PPFIA2: variants seen among roughly 807,000 people sequenced by gnomAD.
The protein encoded by PPFIA2 is liprin-alpha-2.
A neutral mutation model predicts 175.5 loss-of-function variants in PPFIA2; 46 were observed. The observed-to-expected ratio is 0.26, with a 90% CI of 0.21 to 0.34. The LOEUF (loss-of-function observed/expected upper bound fraction) is 0.34. PPFIA2 is among the 10% of genes least tolerant of loss of function. PPFIA2 has a pLI of 1.00. For synonymous variants in PPFIA2, 568 were observed against 511.4 expected, an observed-to-expected ratio of 1.11 and a Z score of -1.49; for missense variants, 1,179 against 1,506.1, an observed-to-expected ratio of 0.78 and a Z score of 3.60.
chr12:81,663,246 A>G (rs1435781398), intron 4 of PPFIA2, among the ~76,000 whole-genome samples: 1 of 152,152 alleles, frequency 6.6e-6, no homozygotes, highest in African/African-American at 2.4e-5. Context: ...AGGAAGTCAA[A>G]TTGTCCCTGT....
At chr12:81,571,898 T>C (rs2072616071) in intron 4 of PPFIA2, among the ~76,000 whole-genome samples, 2 of 152,144 alleles carry the variant, frequency 1.3e-5, no homozygotes, top group Non-Finnish European at 2.9e-5. Context: ...GTATTCCATC[T>C]ACTTCTTTCA....
chr12:81,584,467 G>A (rs1006312786), intron 4 of PPFIA2, among the ~76,000 whole-genome samples: 1 of 151,630 alleles, frequency 6.6e-6, no homozygotes, highest in African/African-American at 2.4e-5. Context: ...GAATAATAAT[G>A]TGCCAAAGAA....
chr12:81,347,754 T>C lies in PPFIA2; in HGVS notation c.2011A>G (p.Lys671Glu). ...TCAGCACGCAACTCTGTAGATTCTT[T>C]TTCTTCCTGAATTAGCCTGAAAGAT... Reference protein sequence around the residue: ...NKEIRLIQEEKESTELRAEEI... With the variant: ...NKEIRLIQEEEESTELRAEEI... The change falls in exon 18 of 33, where the codon AAA (lysine) becomes GAA (glutamate). Residue 671 changes from lysine (K) to glutamate (E), a missense_variant. By Grantham distance (56) the Lys-to-Glu change is moderately conservative. This residue lies in a region of PPFIA2 where 223 missense variants were observed against 241.6 expected (regional missense o/e 0.92). Transcript: ENST00000549396. 1 of 1,613,780 alleles carries C rather than the reference T, an allele frequency of 6.2e-7. No homozygotes were observed. Among genetic ancestry groups the C allele is most frequent in the Non-Finnish European group, 8.5e-7 (1 of 1,179,786 alleles).
chr12:81,435,610 A>C (rs900273909), intron 7 of PPFIA2, among the ~76,000 whole-genome samples: 4 of 152,142 alleles, frequency 2.6e-5, no homozygotes, highest in African/African-American at 9.7e-5. Flanking sequence ...AAGAGACTCT[A>C]TATATAATAA....
intron 3 of PPFIA2, among the ~76,000 whole-genome samples, chr12:81,720,631 C>T (rs1019612344): frequency 6.6e-6 from 1 of 151,274 alleles, no homozygotes; most frequent in Non-Finnish European, 1.5e-5. Context: ...AATTCTCTGA[C>T]CTGGGAGTAA....
chr12:81,279,221 T>C (rs2041435579), intron 27 of PPFIA2: 1 of 152,092 alleles, frequency 6.6e-6, no homozygotes, highest in Non-Finnish European at 1.5e-5. Context: ...CACCAAGAGG[T>C]GACCATCAGC....
intron 22 of PPFIA2, chr12:81,302,201 A>G: frequency 2.4e-6 from 1 of 412,226 alleles, no homozygotes; most frequent in Non-Finnish European, 4.8e-6. Context: ...ACCATGTACA[A>G]CATTTTGTAT....
rs77179939 is a variant in PPFIA2, at chr12:81,537,156, A to T, written c.304-79290T>A. Among the ~76,000 whole-genome samples, 1,447 of 151,842 alleles carry T rather than the reference A, an allele frequency of 9.5e-3. 25 individuals are homozygous for T. The highest frequency in any genetic ancestry group is 0.029 in the African/African-American group (1,218 of 41,498). On this transcript the variant is annotated intron_variant, in intron 4 of 32. Transcript: ENST00000549396. ...TGTTGTAGGCAAAATGAAAAATTTA[A>T]TATGGAACACTTGTAGAGAAACCAG...
intron 3 of PPFIA2, among the ~76,000 whole-genome samples, chr12:81,689,442 T>C (rs2074951490): frequency 6.6e-6 from 1 of 152,044 alleles, no homozygotes; most frequent in Non-Finnish European, 1.5e-5. Context: ...AATAAATGTT[T>C]ATAATACCAA....
chr12:81,574,087 G>A (rs2153417880), intron 4 of PPFIA2, among the ~76,000 whole-genome samples: 1 of 151,898 alleles, frequency 6.6e-6, no homozygotes, highest in East Asian at 1.9e-4. Flanking sequence ...ATTTTCTAAT[G>A]TAACAATACA....
intron 22 of PPFIA2, among the ~76,000 whole-genome samples, chr12:81,307,923 C>A (rs1356294964): frequency 6.6e-6 from 1 of 151,498 alleles, no homozygotes; most frequent in African/African-American, 2.4e-5. Flanking sequence ...ACATCACCAT[C>A]ATAACAACTT....
chr12:81,439,940 A>G, intron 7 of PPFIA2, 32 bp downstream of exon 7: 1 of 1,549,040 alleles, frequency 6.5e-7, no homozygotes, highest in Non-Finnish European at 8.8e-7. Context: ...GCGATATTGC[A>G]CCTCAAAAGA....
chr12:81,515,798 T>C (rs1158630483), intron 4 of PPFIA2, among the ~76,000 whole-genome samples: 1 of 152,062 alleles, frequency 6.6e-6, no homozygotes, highest in African/African-American at 2.4e-5. Flanking sequence ...TTCTCATGAG[T>C]ACATCCAGTA....
At position 81,722,288 on chromosome 12, in the gene PPFIA2, C is replaced by T. The variant is rs180769454; in HGVS notation, c.249+31685G>A. Reference sequence around the variant, plus strand: ...CATACCTTGCCATAATATTAGAAGACAGTGTATGACAATCATCATTAAGAA... The same window carrying T: ...CATACCTTGCCATAATATTAGAAGATAGTGTATGACAATCATCATTAAGAA... On this transcript the variant is annotated intron_variant, in intron 3 of 32. Coordinates refer to ENST00000549396, the MANE Select transcript of PPFIA2 (RefSeq NM_003625.5). 1.8e-3 allele frequency among the ~76,000 whole-genome samples: 277 copies of T among 151,056 alleles called. 3 individuals are homozygous for T. Among genetic ancestry groups the T allele is most frequent in the Non-Finnish European group, 2.6e-3 (174 of 67,340 alleles).
rs192747990 is a variant in PPFIA2, at chr12:81,343,398, G to T, written c.2262+1266C>A. 1.4e-3 allele frequency among the ~76,000 whole-genome samples: 219 copies of T among 152,040 alleles called. 1 individual carries two copies. The highest frequency in any genetic ancestry group is 5.2e-3 in the African/African-American group (214 of 41,498). ...TAAGGACATTATACTTGGTAAATTT[G>T]GTAAATAAGAATGAACTGGTAGTGT... On this transcript the variant is annotated intron_variant, in intron 19 of 32. Coordinates refer to ENST00000549396, the MANE Select transcript of PPFIA2 (RefSeq NM_003625.5).
chr12:81,685,566 G>T (rs2074319942), intron 3 of PPFIA2, among the ~76,000 whole-genome samples: 1 of 151,960 alleles, frequency 6.6e-6, no homozygotes, highest in South Asian at 2.1e-4. Flanking sequence ...TTCATGGGAG[G>T]ACACAATGAG....
chr12:81,495,486 T>C (rs1327288711), intron 4 of PPFIA2, among the ~76,000 whole-genome samples: 2 of 152,098 alleles, frequency 1.3e-5, no homozygotes, highest in Admixed American at 1.3e-4. Context: ...TTCTCTGCAA[T>C]AAATACACTT....
intron 3 of PPFIA2, among the ~76,000 whole-genome samples, chr12:81,690,864 CT>C (rs2075154472): frequency 6.6e-6 from 1 of 152,052 alleles, no homozygotes; most frequent in South Asian, 2.1e-4. Flanking sequence ...GGCTTATGGC[CT>C]CTTCCTCCAT....
At chr12:81,612,559 G>GCTAA (rs2061032464) in intron 4 of PPFIA2, among the ~76,000 whole-genome samples, 1 of 152,110 alleles carries the variant, frequency 6.6e-6, no homozygotes, top group Admixed American at 6.5e-5. Context: ...ATTTATTTTA[G>GCTAA]CTAACTCACC....
Sources: allele counts gnomAD v4.1 joint callset (sites outside exome capture counted in the v4.1 genomes callset), GRCh38; gene constraint gnomAD v4.1.1; regional missense constraint gnomAD v4.1.1; transcripts MANE v1.5; gene names NCBI Gene and HGNC (gene_info 2026-07-23, HGNC 2026-07-21).